PCDH18: variants seen among roughly 807,000 people sequenced by gnomAD.
PCDH18 encodes the protein protocadherin 18, also known as protocadherin-18.
PCDH18 carries 38 observed loss-of-function variants against 71.5 expected under a neutral mutation model. That is an observed-to-expected ratio of 0.53 (90% CI 0.41 to 0.70). The LOEUF (loss-of-function observed/expected upper bound fraction) is 0.70, where lower values mean the gene tolerates loss of function less well. PCDH18 is among the 30% of genes least tolerant of loss of function. The pLI, the probability that PCDH18 is intolerant of heterozygous loss-of-function variation, is 0.00. For synonymous variants in PCDH18, 565 were observed against 505.4 expected, an observed-to-expected ratio of 1.12 and a Z score of -1.58; for missense variants, 1,334 against 1,384.6, an observed-to-expected ratio of 0.96 and a Z score of 0.58.
Position 137,530,467 on chromosome 4 carries a change from A to G in PCDH18, c.1622T>C (p.Ile541Thr). 6.2e-7 allele frequency: 1 copy of G among 1,614,102 alleles called. No homozygotes were observed. The highest frequency in any genetic ancestry group is 8.5e-7 in the Non-Finnish European group (1 of 1,180,000). Reference protein sequence around the residue: ...RIFDHEEVSQITFVVEARDGG... With the variant: ...RIFDHEEVSQTTFVVEARDGG... ...ATCTCTTGCTTCTACCACAAAAGTG[A>G]TCTGACTCACTTCTTCATGATCAAA... The change falls in exon 1 of 4, where the codon ATC becomes ACC. Residue 541 changes from isoleucine (I) to threonine (T), a missense_variant. Transcript: ENST00000344876.
chr4:137,521,987 G>A (rs1183747732), intron 3 of PCDH18, among the ~76,000 whole-genome samples: 1 of 152,072 alleles, frequency 6.6e-6, no homozygotes, highest in Non-Finnish European at 1.5e-5. Context: ...AGTATACGTG[G>A]GAAGAACTAG....
In PCDH18 at chr4:137,531,889, C is replaced by G; in HGVS notation, c.200G>C (p.Arg67Pro). 6.2e-7 allele frequency: 1 copy of G among 1,613,884 alleles called. No individual in the cohort carries two copies. The highest frequency in any genetic ancestry group is 8.5e-7 in the Non-Finnish European group (1 of 1,179,928). ...KLPNPSTVRF[R>P]AMQRGNSPLL... is the part of the protein sequence containing the mutation. The stretch of plus-strand genomic sequence containing the variant: ...AGGAGAATTTCCCCTCTGCATGGCT[C>G]GAAATCGAACAGTAGAAGGATTAGG... The change falls in exon 1 of 4, where the codon CGA (arginine) becomes CCA (proline). Residue 67 changes from arginine to proline, a missense_variant. This residue lies in a region of PCDH18 where 1,011 missense variants were observed against 1,048.0 expected (regional missense o/e 0.96). Transcript: ENST00000344876.
At position 137,531,619 on chromosome 4, in the gene PCDH18, G is replaced by C. The variant is rs868005285; in HGVS notation, c.470C>G (p.Pro157Arg). ...SESAAVGTRIPLDSAFDPDVG... is the reference protein window; with the variant it reads ...SESAAVGTRIRLDSAFDPDVG... ...ATCTGGATCAAATGCACTGTCCAGG[G>C]GAATGCGAGTCCCAACTGCTGCACT... is the stretch of plus-strand genomic sequence containing the variant. Residue 157 changes from proline (P) to arginine (R), a missense_variant, in exon 1 of 4, where the codon CCC (proline) becomes CGC (arginine). Physicochemically the swap from Pro to Arg is moderately radical, Grantham distance 103 (BLOSUM62 -2). Coordinates refer to ENST00000344876, the MANE Select transcript of PCDH18 (RefSeq NM_019035.5). 6.2e-7 allele frequency: 1 copy of C among 1,613,748 alleles called. No homozygotes were observed. Among genetic ancestry groups the C allele is most frequent in the Non-Finnish European group, 8.5e-7 (1 of 1,179,712 alleles).
At position 137,530,013 on chromosome 4, in the gene PCDH18, G is replaced by A; in HGVS notation, c.2076C>T (p.Ser692=). 1 of 1,614,042 alleles carries A rather than the reference G, an allele frequency of 6.2e-7. No individual in the cohort carries two copies. The highest frequency in any genetic ancestry group is 1.1e-5 in the South Asian group (1 of 91,078). The change falls in exon 1 of 4, where the codon AGC becomes AGT. Residue 692 remains serine, a synonymous_variant. Coordinates refer to ENST00000344876, the MANE Select transcript of PCDH18 (RefSeq NM_019035.5). ...TCATGGAGACATCCAAGGATGCCTG[G>A]CTTACTGAAGTCATTGCTGTACTTG... ...SVTSTAMTSV[S]QASLDVSMII... is the part of the protein sequence containing the mutation.
chr4:137,530,935 T>A lies in PCDH18; in HGVS notation c.1154A>T (p.Gln385Leu), dbSNP rs1459212390. The change falls in exon 1 of 4, where the codon CAG becomes CTG. Residue 385 changes from glutamine (Q) to leucine (L), a missense_variant. Coordinates refer to ENST00000344876, the MANE Select transcript of PCDH18 (RefSeq NM_019035.5). ...TCCATTCAGCCCAGAATCCTTGTCC[T>A]GAACTCTGACCAAAGCAACAAATGT... The part of the protein sequence containing the change: ...IDTFVALVRV[Q>L]DKDSGLNGEI... 6.2e-7 allele frequency: 1 copy of A among 1,613,748 alleles called. No homozygotes were observed. The highest frequency in any genetic ancestry group is 2.2e-5 in the East Asian group (1 of 44,862).
chr4:137,522,795 C>G (rs2149212216), intron 3 of PCDH18, among the ~76,000 whole-genome samples: 1 of 152,210 alleles, frequency 6.6e-6, no homozygotes. Context: ...TGCCCATTCC[C>G]TTATTAGAGG....
chr4:137,520,413 A>C lies in PCDH18; in HGVS notation c.*616T>G, dbSNP rs1731256310. On this transcript the variant is annotated 3_prime_UTR_variant, in exon 4 of 4. Transcript: ENST00000344876. The stretch of plus-strand genomic sequence containing the variant: ...TCATTGTCTATAAAAAGTTCATTTG[A>C]GATAGTCATCTAATAAATAACCTTC... The C allele has an allele frequency of 6.6e-6, 1 of 152,204 alleles. No individual in the cohort carries two copies. The highest frequency in any genetic ancestry group is 2.4e-5 in the African/African-American group (1 of 41,458). 9.4% of individuals were successfully genotyped at this position (152,204 alleles called of 1,614,324 possible). A position where few individuals can be genotyped will look rare whatever the true frequency, so the allele number is the denominator to read the frequency against.
At position 137,524,149 on chromosome 4, in the gene PCDH18, T is replaced by C. The variant is rs191547093; in HGVS notation, c.2741-2453A>G. Among the ~76,000 whole-genome samples the C allele has an allele frequency of 8.3e-4, 127 of 152,290 alleles. 1 individual carries two copies. The highest frequency in any genetic ancestry group is 2.9e-3 in the African/African-American group (119 of 41,574). On this transcript the variant is annotated intron_variant, in intron 3 of 3. Transcript: ENST00000344876. The stretch of plus-strand genomic sequence containing the variant: ...AGTGGCTAATCTTTCTGTTGCTCCT[T>C]GAAAGCTCTTATAGGTAGTTAAGTG...
rs1261156859 is a variant in PCDH18, at chr4:137,530,710, T to C, written c.1379A>G (p.Asp460Gly). The change falls in exon 1 of 4, where the codon GAC becomes GGC. Residue 460 changes from aspartate to glycine, a missense_variant. By Grantham distance (94) the Asp-to-Gly change is moderately conservative. Coordinates refer to ENST00000344876, the MANE Select transcript of PCDH18 (RefSeq NM_019035.5). ...HFTVQINDIN[D>G]NPPHFQRSRY... is the part of the protein sequence containing the mutation. ...GCTTCTCTGGAAGTGGGGTGGATTG[T>C]CATTGATATCATTGATTTGAACTGT... 2 of 1,613,162 alleles carry C rather than the reference T, an allele frequency of 1.2e-6. No individual in the cohort carries two copies. The highest frequency in any genetic ancestry group is 8.5e-7 in the Non-Finnish European group (1 of 1,179,436).
chr4:137,531,899 C>G lies in PCDH18; in HGVS notation c.190G>C (p.Val64Leu). The G allele has an allele frequency of 6.2e-7, 1 of 1,613,972 alleles. No individual in the cohort carries two copies. Among genetic ancestry groups the G allele is most frequent in the Non-Finnish European group, 8.5e-7 (1 of 1,179,930 alleles). ...VLLKLPNPSTVRFRAMQRGNS... is the reference protein window; with the variant it reads ...VLLKLPNPSTLRFRAMQRGNS... ...CCCCTCTGCATGGCTCGAAATCGAACAGTAGAAGGATTAGGAAGCTTCAAT... is the reference window on the plus strand; with the variant it reads ...CCCCTCTGCATGGCTCGAAATCGAAGAGTAGAAGGATTAGGAAGCTTCAAT... Residue 64 changes from valine to leucine, a missense_variant, in exon 1 of 4, where the codon GTT (valine) becomes CTT (leucine). This residue lies in a region of PCDH18 where 1,011 missense variants were observed against 1,048.0 expected (regional missense o/e 0.96). Transcript: ENST00000344876.
rs780435887 is a variant in PCDH18, at chr4:137,530,232, G to A, written c.1857C>T (p.Ala619=). 6.2e-7 allele frequency: 1 copy of A among 1,614,054 alleles called. No individual in the cohort carries two copies. Among genetic ancestry groups the A allele is most frequent in the Non-Finnish European group, 8.5e-7 (1 of 1,180,016 alleles). ...TATTCTCCTCATTACCTGCTACTATGGCGCAGCTGAGTTCAGCATTCACAC... is the reference window on the plus strand; with the variant it reads ...TATTCTCCTCATTACCTGCTACTATAGCGCAGCTGAGTTCAGCATTCACAC... The part of the protein sequence containing the change: ...DSGVNAELSC[A]IVAGNEENIF... Residue 619 remains alanine, a synonymous_variant, in exon 1 of 4, where the codon GCC becomes GCT. Coordinates refer to ENST00000344876, the MANE Select transcript of PCDH18 (RefSeq NM_019035.5).
Position 137,519,893 on chromosome 4 carries a change from T to C in PCDH18, c.*1136A>G, listed in dbSNP as rs1731241736. The C allele has an allele frequency of 6.6e-6, 1 of 152,608 alleles. No homozygotes were observed. Among genetic ancestry groups the C allele is most frequent in the Admixed American group, 6.6e-5 (1 of 15,266 alleles). The allele number at this position is 152,608 out of a possible 1,614,324, so 9.5% of individuals were successfully genotyped here. A position where few individuals can be genotyped will look rare whatever the true frequency, so the allele number is the denominator to read the frequency against. ...CACAATAAATAAAGGATTTCTCATT[T>C]GCCACACAACAAATAAAACAATTGC... On this transcript the variant is annotated 3_prime_UTR_variant, in exon 4 of 4. Transcript: ENST00000344876.
At chr4:137,522,163 G>A (rs1178956149) in intron 3 of PCDH18, among the ~76,000 whole-genome samples, 1 of 152,012 alleles carries the variant, frequency 6.6e-6, no homozygotes, top group Non-Finnish European at 1.5e-5. Context: ...AATATAATAA[G>A]CTATAAGGTA....
intron 3 of PCDH18, among the ~76,000 whole-genome samples, chr4:137,527,210 T>A (rs985088188): frequency 5.3e-5 from 8 of 152,140 alleles, no homozygotes; most frequent in Admixed American, 3.3e-4. Flanking sequence ...CCAAAGGGGA[T>A]TGGTCCAGGC....
At chr4:137,527,565 T>G (rs1483937694) in intron 3 of PCDH18, among the ~76,000 whole-genome samples, 1 of 152,212 alleles carries the variant, frequency 6.6e-6, no homozygotes, top group Admixed American at 6.5e-5. Context: ...ACTCTCTTAC[T>G]TATCTGTATT....
At chr4:137,527,814 A>G (rs889711717) in intron 3 of PCDH18, among the ~76,000 whole-genome samples, 4 of 152,044 alleles carry the variant, frequency 2.6e-5, no homozygotes, top group African/African-American at 7.2e-5. Flanking sequence ...GAGGGAAGGA[A>G]CTCCAAGGAA....
At chr4:137,522,168 A>G (rs902010909) in intron 3 of PCDH18, among the ~76,000 whole-genome samples, 1 of 152,330 alleles carries the variant, frequency 6.6e-6, no homozygotes, top group Non-Finnish European at 1.5e-5. Flanking sequence ...AATAAGCTAT[A>G]AGGTAATTAT....
intron 3 of PCDH18, among the ~76,000 whole-genome samples, chr4:137,523,923 G>C (rs2149212722): frequency 6.6e-6 from 1 of 152,188 alleles, no homozygotes; most frequent in East Asian, 1.9e-4. Context: ...GATGAGAAAA[G>C]ACTAATGGAG....
chr4:137,525,970 G>A (rs1731442433), intron 3 of PCDH18, among the ~76,000 whole-genome samples: 1 of 151,968 alleles, frequency 6.6e-6, no homozygotes, highest in African/African-American at 2.4e-5. Context: ...ACACAATTCA[G>A]TTTTCTACAG....
Sources: gnomAD v4.1 joint callset for allele counts (sites outside exome capture counted in the v4.1 genomes callset) on GRCh38, gnomAD v4.1.1 for gene constraint, gnomAD v4.1.1 regional missense constraint, MANE v1.5 for transcripts, NCBI Gene and HGNC (gene_info 2026-07-23, HGNC 2026-07-21) for gene names.